Variants in COBL observed in about 807,000 individuals in gnomAD.
The protein encoded by COBL is protein cordon-bleu.
A neutral mutation model predicts 98.8 loss-of-function variants in COBL; 51 were observed. That is an observed-to-expected ratio of 0.52 (90% CI 0.41 to 0.65). COBL has a LOEUF of 0.65. COBL is among the 30% of genes least tolerant of loss of function. COBL has a pLI of 0.00. For missense variants in COBL, 1,617 were observed against 1,617.5 expected, an observed-to-expected ratio of 1.00 and a Z score of 0.01; for synonymous variants, 634 against 651.7, an observed-to-expected ratio of 0.97 and a Z score of 0.41.
chr7:51,061,946 T>TACACAC (rs1395412693), intron 7 of COBL, among the ~76,000 whole-genome samples: 2,931 of 96,088 alleles, frequency 0.031, 79 homozygotes, highest in Middle Eastern at 0.056. Context: ...CTCCCCACCA[T>TACACAC]AGATACACAC....
At chr7:51,280,607 C>A (rs1158423396) in intron 1 of COBL, among the ~76,000 whole-genome samples, 1 of 152,114 alleles carries the variant, frequency 6.6e-6, no homozygotes, top group Non-Finnish European at 1.5e-5. Context: ...AGTTTTCTGG[C>A]TGGAGCACAA....
Position 51,241,657 on chromosome 7 carries a change from A to G in COBL, c.42-21713T>C, listed in dbSNP as rs574003134. 2.0e-4 allele frequency among the ~76,000 whole-genome samples: 31 copies of G among 152,340 alleles called. 1 individual carries two copies. In the South Asian group the frequency reaches 6.4e-3, roughly 32 times the overall value. ...AAGTCTGTACATGTGACAAATGAAC[A>G]CGTATGGCAAGGAGAAATGGAGGCT... On this transcript the variant is annotated intron_variant, in intron 1 of 12. Transcript: ENST00000265136.
intron 1 of COBL, among the ~76,000 whole-genome samples, chr7:51,314,970 C>T (rs763400749): frequency 1.3e-5 from 2 of 152,176 alleles, no homozygotes; most frequent in Non-Finnish European, 2.9e-5. Context: ...TCATTAGACT[C>T]CCTTCAAGGA....
At chr7:51,233,194 T>C (rs1161676817) in intron 1 of COBL, among the ~76,000 whole-genome samples, 4 of 152,244 alleles carry the variant, frequency 2.6e-5, no homozygotes, top group African/African-American at 9.6e-5. Context: ...GAAAACACCT[T>C]GGTTTTCCAT....
intron 7 of COBL, among the ~76,000 whole-genome samples, chr7:51,047,555 A>G (rs1462428945): frequency 6.6e-6 from 1 of 152,194 alleles, no homozygotes; most frequent in Non-Finnish European, 1.5e-5. Flanking sequence ...TTATTGTTTT[A>G]TTAAACGCAA....
intron 1 of COBL, among the ~76,000 whole-genome samples, chr7:51,263,638 G>A (rs1413761467): frequency 2.0e-5 from 3 of 152,136 alleles, no homozygotes; most frequent in African/African-American, 7.2e-5. Flanking sequence ...GTACCTGGGA[G>A]GATGAAGAGT....
chr7:51,254,462 C>T (rs1797023568), intron 1 of COBL, among the ~76,000 whole-genome samples: 1 of 152,192 alleles, frequency 6.6e-6, no homozygotes, highest in Admixed American at 6.5e-5. Flanking sequence ...AACATCAAAT[C>T]TAAAACTGAA....
At chr7:51,138,970 CCT>C (rs1222309257) in intron 5 of COBL, among the ~76,000 whole-genome samples, 3 of 152,124 alleles carry the variant, frequency 2.0e-5, no homozygotes, top group African/African-American at 7.2e-5. Context: ...TGTGAATCCA[CCT>C]CTGTCCTGTA....
chr7:51,187,314 A>G (rs1335015751), intron 4 of COBL, among the ~76,000 whole-genome samples: 2 of 122,536 alleles, frequency 1.6e-5, no homozygotes, highest in Non-Finnish European at 3.3e-5. Context: ...GTTTAAGTAT[A>G]TATATATATA....
At chr7:51,196,123 T>G (rs1790566379) in intron 2 of COBL, among the ~76,000 whole-genome samples, 1 of 152,192 alleles carries the variant, frequency 6.6e-6, no homozygotes, top group African/African-American at 2.4e-5. Context: ...AGTATGATCT[T>G]GGCTGTGAAT....
rs181689591 is a variant in COBL at position 51,071,890 on chromosome 7, C to T, written c.1096+13276G>A. ...TTGAGGTCAAATGACTGCTACTTAT[C>T]AGACAAAAGTCCTTTATTTCAAAAA... On this transcript the variant is annotated intron_variant, in intron 7 of 12. Coordinates refer to ENST00000265136, the MANE Select transcript of COBL (RefSeq NM_015198.5). 4 of 146,612 alleles carry T rather than the reference C, an allele frequency of 2.7e-5. No homozygotes were observed. In the East Asian group the frequency reaches 6.3e-4, roughly 23 times the overall value. 9.1% of individuals were successfully genotyped at this position (146,612 alleles called of 1,614,324 possible).
At position 51,058,554 on chromosome 7, in the gene COBL, A is replaced by AAACAACAACAACAACAAC. The variant is rs57660073; in HGVS notation, c.1097-14880_1097-14863dup. ...GGTGACAGAGCAAGACCATGTCTCA[A>AAACAACAACAACAACAAC]AACAACAACAACAACAACAACAACA... is the stretch of plus-strand genomic sequence containing the variant. On this transcript the variant is annotated intron_variant, in intron 7 of 12. Transcript: ENST00000265136. 2.0e-3 allele frequency among the ~76,000 whole-genome samples: 299 copies of AAACAACAACAACAACAAC among 150,176 alleles called. 1 individual carries two copies. The highest frequency in any genetic ancestry group is 0.01 in the Middle Eastern group (3 of 294).
At chr7:51,277,345 C>T (rs1799399731) in intron 1 of COBL, among the ~76,000 whole-genome samples, 1 of 152,160 alleles carries the variant, frequency 6.6e-6, no homozygotes, top group Non-Finnish European at 1.5e-5. Context: ...AGTGTAAATA[C>T]ACACATGTGC....
At chr7:51,072,631 A>T (rs1038104160) in intron 7 of COBL, 1 of 152,244 alleles carries the variant, frequency 6.6e-6, no homozygotes, top group Non-Finnish European at 1.5e-5. Flanking sequence ...TCAAGTAAGT[A>T]CTATGTCACT....
chr7:51,202,215 GA>G (rs1584151539), intron 2 of COBL, among the ~76,000 whole-genome samples: 2 of 151,588 alleles, frequency 1.3e-5, no homozygotes, highest in African/African-American at 2.4e-5. Flanking sequence ...AATAAGGAAA[GA>G]AAAAAAAGTA....
At chr7:51,044,999 T>C (rs7803734) in intron 7 of COBL, among the ~76,000 whole-genome samples, 151,011 of 152,368 alleles carry the variant, frequency 0.99, 74,844 homozygotes, top group Middle Eastern at 1. Flanking sequence ...AGTGTAAACG[T>C]ACGAGGAGAT....
Position 51,028,843 on chromosome 7 carries a change from G to A in COBL, c.2253C>T (p.Ser751=). Residue 751 remains serine (S), a synonymous_variant, in exon 10 of 13, where the codon TCC becomes TCT. Transcript: ENST00000265136. ...SPHATGIRII[S]LSSSVPEAES... ...CTGCTTCAGGCACAGACGAAGACAG[G>A]GAAATGATCCTGATGCCGGTGGCGT... 2.5e-6 allele frequency: 4 copies of A among 1,614,232 alleles called. No homozygotes were observed. The highest frequency in any genetic ancestry group is 3.4e-6 in the Non-Finnish European group (4 of 1,180,040).
chr7:51,056,382 G>A (rs1457915687), intron 7 of COBL, among the ~76,000 whole-genome samples: 2 of 151,844 alleles, frequency 1.3e-5, no homozygotes, highest in African/African-American at 4.8e-5. Context: ...CTGTCAAAAG[G>A]CTAGTGAGAG....
At chr7:51,306,712 TC>T (rs1481982379) in intron 1 of COBL, among the ~76,000 whole-genome samples, 1 of 151,988 alleles carries the variant, frequency 6.6e-6, no homozygotes, top group East Asian at 1.9e-4. Context: ...AAAAGTAAAA[TC>T]CCACGTAGGA....
Sources: gnomAD v4.1 joint callset for allele counts (sites outside exome capture counted in the v4.1 genomes callset) on GRCh38, gnomAD v4.1.1 for gene constraint, MANE v1.5 for transcripts, NCBI Gene and HGNC (gene_info 2026-07-23, HGNC 2026-07-21) for gene names.